NLGN1: variants seen among roughly 807,000 people sequenced by gnomAD.
The protein encoded by NLGN1 is neuroligin 1.
NLGN1 carries 12 observed loss-of-function variants against 65.5 expected under a neutral mutation model. The ratio of observed to expected loss-of-function variants is 0.18; its 90% CI spans 0.12 to 0.30. The LOEUF (loss-of-function observed/expected upper bound fraction) is 0.30, where lower values mean the gene tolerates loss of function less well. Ranked by LOEUF, NLGN1 falls within the 10% of genes least tolerant of loss-of-function variation. The pLI is 1.00. For missense variants in NLGN1, 750 were observed against 1,007.1 expected (o/e 0.74, Z 3.46); for synonymous variants, 350 against 359.5 (o/e 0.97, Z 0.30).
intron 4 of NLGN1, among the ~76,000 whole-genome samples, chr3:173,891,753 G>T (rs1276258450): frequency 6.6e-6 from 1 of 152,154 alleles, no homozygotes; most frequent in Non-Finnish European, 1.5e-5. Flanking sequence ...ATTTAGAAAG[G>T]TTGGGTCTTT....
intron 4 of NLGN1, among the ~76,000 whole-genome samples, chr3:173,927,741 G>A (rs371700131): frequency 1.3e-5 from 2 of 150,186 alleles, no homozygotes; most frequent in African/African-American, 4.9e-5. Flanking sequence ...ACACACACAC[G>A]TACACACAGA....
intron 3 of NLGN1, among the ~76,000 whole-genome samples, chr3:173,736,163 G>A (rs1264204288): frequency 1.3e-5 from 2 of 151,968 alleles, no homozygotes; most frequent in South Asian, 2.1e-4. Flanking sequence ...AGCTTGATTC[G>A]TTTCTAGCTT....
intron 4 of NLGN1, among the ~76,000 whole-genome samples, chr3:174,015,573 G>A (rs1365564795): frequency 6.6e-6 from 1 of 152,040 alleles, no homozygotes; most frequent in Non-Finnish European, 1.5e-5. Flanking sequence ...GAATGTTGGG[G>A]GAACACAATT....
intron 4 of NLGN1, among the ~76,000 whole-genome samples, chr3:173,974,445 C>G (rs1316038572): frequency 2.0e-5 from 3 of 151,894 alleles, no homozygotes; most frequent in Non-Finnish European, 2.9e-5. Flanking sequence ...TAATCACTTA[C>G]TATATATAAG....
chr3:174,228,825 G>T lies in NLGN1; in HGVS notation c.647-46490G>T, dbSNP rs181636963. Among the ~76,000 whole-genome samples the T allele has an allele frequency of 3.0e-3, 462 of 152,106 alleles. 2 individuals are homozygous for T. The highest frequency in any genetic ancestry group is 0.011 in the African/African-American group (441 of 41,506). ...TCTATTAGGTTTCTGTGGGAACCAA[G>T]AAATAGTACAAATATTGATCATGTA... On this transcript the variant is annotated intron_variant, in intron 4 of 6. Coordinates refer to ENST00000457714, the Ensembl canonical transcript of NLGN1.
chr3:173,825,885 A>G (rs1413103512), intron 4 of NLGN1, among the ~76,000 whole-genome samples: 1 of 152,010 alleles, frequency 6.6e-6, no homozygotes, highest in Non-Finnish European at 1.5e-5. Context: ...GTCTTGTGGT[A>G]GAGCAAAGTA....
intron 3 of NLGN1, among the ~76,000 whole-genome samples, chr3:173,784,039 T>A (rs1781582413): frequency 6.6e-6 from 1 of 152,214 alleles, no homozygotes; most frequent in South Asian, 2.1e-4. Flanking sequence ...TTCAATAAAA[T>A]TTTAGCACTA....
chr3:173,555,245 A>G (rs754035128), intron 2 of NLGN1, among the ~76,000 whole-genome samples: 23 of 152,188 alleles, frequency 1.5e-4, no homozygotes, highest in Admixed American at 1.2e-3. Flanking sequence ...TCCTCTATCA[A>G]TTGAGATGGT....
Position 174,280,404 on chromosome 3 carries a change from A to T in NLGN1, c.1650-77A>T. ...GCATTGCTGAGTCATCTATTTAATT[A>T]TTAGATGTTAAAGTAGTGTGATTTT... On this transcript the variant is annotated intron_variant, in intron 6 of 6. Transcript: ENST00000457714. The surrounding 1 kb of genome is among the most constrained non-coding windows in gnomAD (Gnocchi z 4.9). The T allele has an allele frequency of 1.0e-6, 1 of 959,744 alleles. No homozygotes were observed. Among genetic ancestry groups the T allele is most frequent in the Non-Finnish European group, 1.6e-6 (1 of 644,456 alleles). 59.5% of individuals were successfully genotyped at this position (959,744 alleles called of 1,614,324 possible). A position where few individuals can be genotyped will look rare whatever the true frequency, so the allele number is the denominator to read the frequency against.
intron 4 of NLGN1, among the ~76,000 whole-genome samples, chr3:173,847,993 G>A (rs1024449693): frequency 5.3e-5 from 8 of 152,014 alleles, no homozygotes; most frequent in Non-Finnish European, 1.0e-4. Flanking sequence ...AAATATATTC[G>A]TTTTCCCTCT....
intron 4 of NLGN1, among the ~76,000 whole-genome samples, chr3:173,916,143 A>G (rs1291672937): frequency 1.3e-5 from 2 of 152,190 alleles, no homozygotes; most frequent in Admixed American, 1.3e-4. Context: ...AGCATGTTAT[A>G]TAAACTAGCA....
At chr3:173,671,703 G>C (rs1577871144) in intron 3 of NLGN1, among the ~76,000 whole-genome samples, 1 of 152,128 alleles carries the variant, frequency 6.6e-6, no homozygotes, top group East Asian at 1.9e-4. Flanking sequence ...CATTTGACAG[G>C]TGAGAAAATG....
rs995860 is a variant in NLGN1, at chr3:173,636,551, T to G, written c.493+31460T>G. Among the ~76,000 whole-genome samples the G allele has an allele frequency of 2.0e-4, 30 of 150,384 alleles. 1 individual carries two copies. The South Asian group carries it at 5.3e-3, about 27-fold the overall frequency. On this transcript the variant is annotated intron_variant, in intron 3 of 6. Coordinates refer to ENST00000457714, the Ensembl canonical transcript of NLGN1. ...TCCTTATTCTACTCTTAGCATATCG[T>G]TTTTTTTTGCTCTTCAGACTGGAAT...
intron 4 of NLGN1, among the ~76,000 whole-genome samples, chr3:173,967,992 G>A (rs1054719773): frequency 2.6e-5 from 4 of 152,234 alleles, no homozygotes; most frequent in South Asian, 2.1e-4. Flanking sequence ...GGTAGCTGAC[G>A]CGTGTTCCAG....
intron 3 of NLGN1, among the ~76,000 whole-genome samples, chr3:173,800,510 G>A (rs1206495466): frequency 6.6e-6 from 1 of 151,188 alleles, no homozygotes; most frequent in Non-Finnish European, 1.5e-5. Context: ...TACAAATATA[G>A]AGTATTAATT....
At chr3:174,079,429 T>A (rs1007879605) in intron 4 of NLGN1, among the ~76,000 whole-genome samples, 1 of 152,204 alleles carries the variant, frequency 6.6e-6, no homozygotes, top group African/African-American at 2.4e-5. Context: ...GGAATCCTTA[T>A]ACACTGTTGG....
intron 4 of NLGN1, among the ~76,000 whole-genome samples, chr3:173,864,835 A>G (rs997772301): frequency 2.0e-5 from 3 of 152,180 alleles, no homozygotes; most frequent in African/African-American, 7.2e-5. Context: ...AAGCAGGGAT[A>G]TTTGTAGAGG....
intron 3 of NLGN1, among the ~76,000 whole-genome samples, chr3:173,714,412 T>C (rs1769503430): frequency 6.6e-6 from 1 of 152,148 alleles, no homozygotes; most frequent in Non-Finnish European, 1.5e-5. Context: ...AGTGTAACTA[T>C]TATTATATTG....
At chr3:173,553,803 A>C (rs1180427344) in intron 2 of NLGN1, among the ~76,000 whole-genome samples, 2 of 142,168 alleles carry the variant, frequency 1.4e-5, no homozygotes, top group Non-Finnish European at 3.1e-5. Context: ...AAAGCCGACT[A>C]ACAGAAGGGC....
Sources: allele counts gnomAD v4.1 joint callset (sites outside exome capture counted in the v4.1 genomes callset), GRCh38; gene constraint gnomAD v4.1.1; non-coding constraint Gnocchi (gnomAD v3.1); transcripts MANE v1.5; gene names NCBI Gene and HGNC (gene_info 2026-07-23, HGNC 2026-07-21).